The following AKR1B15 variants were observed in gnomAD, a reference collection of about 807,000 sequenced individuals.
AKR1B15 encodes estradiol 17-beta-dehydrogenase AKR1B15.
In AKR1B15, 49 loss-of-function variants were observed where a neutral mutation model predicts 38.5. The ratio of observed to expected loss-of-function variants is 1.27; its 90% confidence interval spans 1.01 to 1.62. The LOEUF is 1.62. Among genes scored for constraint, AKR1B15 ranks in the 40% most tolerant of loss-of-function variants. The pLI is 0.00. For missense variants in AKR1B15, 411 were observed against 381.6 expected (o/e 1.08, Z -0.64); for synonymous variants, 137 against 135.5 (o/e 1.01, Z -0.08).
intron 2 of AKR1B15, among the ~76,000 whole-genome samples, chr7:134,558,304 G>A (rs1794271512): frequency 6.6e-6 from 1 of 152,200 alleles, no homozygotes; most frequent in African/African-American, 2.4e-5. Context: ...ACACTGAAAT[G>A]CCTCCAATTG....
chr7:134,562,855 T>G (rs1248171443), intron 2 of AKR1B15, among the ~76,000 whole-genome samples: 2 of 137,356 alleles, frequency 1.5e-5, no homozygotes, highest in African/African-American at 6.0e-5. Context: ...TCTTTCTTTC[T>G]TTCTTTCTTT....
rs773423825 is a variant in AKR1B15 at position 134,577,686 on chromosome 7, G to A, written c.910-18G>A. On this transcript the variant is annotated intron_variant, in intron 10 of 11. Transcript: ENST00000457545. The stretch of plus-strand genomic sequence containing the variant: ...TAACAGCCTTACCGATAATGTATTG[G>A]AATTCTTTCCTTTCTAGGTCTTTGA... The A allele has an allele frequency of 3.7e-6, 6 of 1,612,130 alleles. No individual in the cohort carries two copies. In the South Asian group the frequency reaches 6.6e-5, roughly 18 times the overall value.
rs1045020545 is a variant in AKR1B15, at chr7:134,579,861, T to C, written c.*312T>C. Reference sequence around the variant, plus strand: ...TGTAAAGATAAATAATAAAAAATAATGACTTTAACCAACATGTATTGAGAG... The same window carrying C: ...TGTAAAGATAAATAATAAAAAATAACGACTTTAACCAACATGTATTGAGAG... On this transcript the variant is annotated 3_prime_UTR_variant, in exon 12 of 12. Transcript: ENST00000457545. 4 of 272,744 alleles carry C rather than the reference T, an allele frequency of 1.5e-5. No homozygotes were observed. The highest frequency in any genetic ancestry group is 1.0e-3 in the Middle Eastern group (1 of 960). The allele number at this position is 272,744 out of a possible 1,614,324, so 16.9% of individuals were successfully genotyped here.
Position 134,579,608 on chromosome 7 carries a change from G to A in AKR1B15, c.*59G>A. The A allele has an allele frequency of 1.4e-6, 2 of 1,448,696 alleles. No homozygotes were observed. 89.7% of individuals were successfully genotyped at this position (1,448,696 alleles called of 1,614,324 possible). A position where few individuals can be genotyped will look rare whatever the true frequency, so the allele number is the denominator to read the frequency against. On this transcript the variant is annotated 3_prime_UTR_variant, in exon 12 of 12. Coordinates refer to ENST00000457545, the MANE Select transcript of AKR1B15 (RefSeq NM_001080538.3). ...TCTCTTTCTTCGCTGAAGTGTGACTGTCTCCACTCAAGAACTATTTTAGCC... is the reference window on the plus strand; with the variant it reads ...TCTCTTTCTTCGCTGAAGTGTGACTATCTCCACTCAAGAACTATTTTAGCC...
chr7:134,573,606 G>C, intron 6 of AKR1B15: 1 of 941,948 alleles, frequency 1.1e-6, no homozygotes, highest in Non-Finnish European at 1.3e-6. Flanking sequence ...CCCTGAAGCA[G>C]AGGGGAGGAA....
chr7:134,577,222 G>A (rs1398450472), intron 10 of AKR1B15, among the ~76,000 whole-genome samples, 176 bp downstream of exon 10: 1 of 152,162 alleles, frequency 6.6e-6, no homozygotes, highest in Non-Finnish European at 1.5e-5. Flanking sequence ...AATGACCCAT[G>A]GGCTAAGAAC....
chr7:134,575,725 C>G, intron 7 of AKR1B15, 96 bp from the exon 8 acceptor site: 1 of 1,591,722 alleles, frequency 6.3e-7, no homozygotes, highest in Non-Finnish European at 8.6e-7. Flanking sequence ...CTTGTTTGGC[C>G]TTTGCTTGGT....
At chr7:134,562,874 CT>C (rs1380676045) in intron 2 of AKR1B15, among the ~76,000 whole-genome samples, 7 of 138,954 alleles carry the variant, frequency 5.0e-5, no homozygotes, top group African/African-American at 2.0e-4. Flanking sequence ...TTCTTTCTTT[CT>C]TTCTTTCTTT....
rs1794838412 is a variant in AKR1B15, at chr7:134,579,492, T to TC, written c.993-14dup. The TC allele has an allele frequency of 1.9e-6, 3 of 1,546,190 alleles. No individual in the cohort carries two copies. The highest frequency in any genetic ancestry group is 2.3e-5 in the East Asian group (1 of 44,144). On this transcript the variant is annotated splice_polypyrimidine_tract_variant and intron_variant, in intron 11 of 11. Coordinates refer to ENST00000457545, the MANE Select transcript of AKR1B15 (RefSeq NM_001080538.3). ...ATGGAACACAGTTTCTTTTTTTTTT[T>TC]CTCTCTCTCTGTAGATTCTCTCATT...
At chr7:134,565,063 A>T in intron 3 of AKR1B15, 1 of 305,964 alleles carries the variant, frequency 3.3e-6, no homozygotes, top group Non-Finnish European at 6.1e-6. Flanking sequence ...AATCTGCAGG[A>T]TGTGGGCAAA....
intron 9 of AKR1B15, 100 bp downstream of exon 9, chr7:134,576,530 A>G (rs544200837): frequency 7.2e-7 from 1 of 1,393,810 alleles, no homozygotes; most frequent in South Asian, 1.3e-5. Flanking sequence ...AAGGGGAAGA[A>G]CACAGGAGCT....
intron 2 of AKR1B15, among the ~76,000 whole-genome samples, chr7:134,559,251 A>AT (rs1191783525): frequency 1.3e-5 from 2 of 152,314 alleles, no homozygotes; most frequent in Admixed American, 1.3e-4. Context: ...GCCCATGTTG[A>AT]TAAGTGTCTA....
chr7:134,561,861 T>C (rs1388763336), intron 2 of AKR1B15, among the ~76,000 whole-genome samples: 1 of 152,230 alleles, frequency 6.6e-6, no homozygotes, highest in Non-Finnish European at 1.5e-5. Context: ...ATCTCTGCAC[T>C]GAACCTGCAA....
At chr7:134,556,327 C>T (rs1794195294) in intron 1 of AKR1B15, among the ~76,000 whole-genome samples, 1 of 152,160 alleles carries the variant, frequency 6.6e-6, no homozygotes, top group Admixed American at 6.5e-5. Flanking sequence ...CCTAAACTAG[C>T]CTGAGATTGC....
intron 1 of AKR1B15, among the ~76,000 whole-genome samples, chr7:134,555,087 T>C (rs778326058): frequency 6.6e-6 from 1 of 152,200 alleles, no homozygotes; most frequent in African/African-American, 2.4e-5. Flanking sequence ...TTTGAAATCA[T>C]GTATGGAAGG....
At chr7:134,556,112 T>C (rs551703556) in intron 1 of AKR1B15, among the ~76,000 whole-genome samples, 3 of 152,306 alleles carry the variant, frequency 2.0e-5, no homozygotes, top group Admixed American at 1.3e-4. Context: ...ATGTTCACCA[T>C]CCAGAAAAAA....
At chr7:134,566,481 A>C (rs540534921) in intron 3 of AKR1B15, among the ~76,000 whole-genome samples, 33 of 152,268 alleles carry the variant, frequency 2.2e-4, no homozygotes, top group African/African-American at 6.7e-4. Context: ...GACAGCTGGC[A>C]AAACACGCTA....
At chr7:134,569,657 T>A (rs1794624273) in intron 5 of AKR1B15, 128 bp downstream of exon 5, 1 of 926,110 alleles carries the variant, frequency 1.1e-6, no homozygotes, top group South Asian at 1.8e-5. Context: ...TGGACATTTC[T>A]TAATTCCCCA....
chr7:134,552,587 C>T (rs1174996468), intron 1 of AKR1B15, among the ~76,000 whole-genome samples: 3 of 152,122 alleles, frequency 2.0e-5, no homozygotes, highest in South Asian at 2.1e-4. Flanking sequence ...TCCAGAAACC[C>T]GGAACAAATG....
Sources: allele counts gnomAD v4.1 joint callset (sites outside exome capture counted in the v4.1 genomes callset), GRCh38; gene constraint gnomAD v4.1.1; transcripts MANE v1.5; gene names NCBI Gene and HGNC (gene_info 2026-07-23, HGNC 2026-07-21).